USP14: variants seen among roughly 807,000 people sequenced by gnomAD.
The protein encoded by USP14 is ubiquitin carboxyl-terminal hydrolase 14.
USP14 carries 38 observed loss-of-function variants against 76.5 expected under a neutral mutation model. The ratio of observed to expected loss-of-function variants is 0.50; its 90% CI spans 0.38 to 0.65. The LOEUF is 0.65. Among genes scored for constraint, USP14 ranks in the 30% least tolerant of loss-of-function variants. The pLI is 0.00. For synonymous variants in USP14, 192 were observed against 191.7 expected (o/e 1.00, Z -0.01); for missense variants, 467 against 586.5 (o/e 0.80, Z 2.10).
At position 196,582 on chromosome 18, in the gene USP14, G is replaced by A. The variant is rs535847532; in HGVS notation, c.464-55G>A. 62 of 1,528,928 alleles carry A rather than the reference G, an allele frequency of 4.1e-5. No homozygotes were observed. In the Middle Eastern group the frequency reaches 7.1e-4, roughly 17 times the overall value. The allele number at this position is 1,528,928 out of a possible 1,614,324, so 94.7% of individuals were successfully genotyped here. A position where few individuals can be genotyped will look rare whatever the true frequency, so the allele number is the denominator to read the frequency against. ...TATTAATTAAAATTAATTTACAGTC[G>A]CGTGTATTAAATATGTGACTGTTTT... On this transcript the variant is annotated intron_variant, in intron 6 of 15. Coordinates refer to ENST00000261601, the MANE Select transcript of USP14 (RefSeq NM_005151.4).
chr18:204,700 C>A lies in USP14; in HGVS notation c.1164+8C>A. 1 of 1,609,452 alleles carries A rather than the reference C, an allele frequency of 6.2e-7. No homozygotes were observed. Among genetic ancestry groups the A allele is most frequent in the Non-Finnish European group, 8.5e-7 (1 of 1,178,880 alleles). ...AATCAGCAGCCAAATACAGTAGGTTCTTACTGCTGACTTTATACTCTTAAT... is the reference window on the plus strand; with the variant it reads ...AATCAGCAGCCAAATACAGTAGGTTATTACTGCTGACTTTATACTCTTAAT... On this transcript the variant is annotated splice_region_variant and intron_variant, in intron 13 of 15. Coordinates refer to ENST00000261601, the MANE Select transcript of USP14 (RefSeq NM_005151.4).
intron 3 of USP14, among the ~76,000 whole-genome samples, chr18:167,583 G>A (rs4797049): frequency 0.19 from 29,271 of 151,958 alleles, 3,314 homozygotes; most frequent in Middle Eastern, 0.31. Context: ...ATGGCTCGCT[G>A]CAGCTTTAAA....
At position 174,621 on chromosome 18, in the gene USP14, T is replaced by C. The variant is rs1323974263; in HGVS notation, c.196-4312T>C. Among the ~76,000 whole-genome samples, 529 of 151,390 alleles carry C rather than the reference T, an allele frequency of 3.5e-3. 2 individuals are homozygous for C. Among genetic ancestry groups the C allele is most frequent in the African/African-American group, 0.012 (493 of 41,314 alleles). On this transcript the variant is annotated intron_variant, in intron 3 of 15. Transcript: ENST00000261601. ...GGTACTTTTCTTTCTTTTTTTTTTT[T>C]TTTTTAAAGACGAGGTCTTGCTTTG... is the stretch of plus-strand genomic sequence containing the variant.
At chr18:182,146 GA>G (rs1231800319) in intron 5 of USP14, among the ~76,000 whole-genome samples, 12 of 152,196 alleles carry the variant, frequency 7.9e-5, no homozygotes, top group Admixed American at 6.6e-4. Context: ...ACCATCGTAT[GA>G]AAGGAAAAGA....
chr18:181,146 T>G (rs976215827), intron 5 of USP14, among the ~76,000 whole-genome samples: 1 of 152,260 alleles, frequency 6.6e-6, no homozygotes, highest in African/African-American at 2.4e-5. Flanking sequence ...CCATTCATTT[T>G]GTTGATGGAA....
chr18:162,289 T>TGGTA (rs1909143077), intron 1 of USP14, among the ~76,000 whole-genome samples: 1 of 152,228 alleles, frequency 6.6e-6, no homozygotes, highest in Non-Finnish European at 1.5e-5. Flanking sequence ...ATGGTAATTC[T>TGGTA]ATGTTTACTT....
rs1390553160 is a variant in USP14, at chr18:214,170, C to T, written c.*2886C>T. The T allele has an allele frequency of 1.9e-5, 3 of 158,482 alleles. No homozygotes were observed. The highest frequency in any genetic ancestry group is 2.8e-5 in the Non-Finnish European group (2 of 72,210). 9.8% of individuals were successfully genotyped at this position (158,482 alleles called of 1,614,324 possible). ...CAGTACAATTTTAATGATCAAGACTCGTGGCAGGCAGAACAAACCATCATT... is the reference window on the plus strand; with the variant it reads ...CAGTACAATTTTAATGATCAAGACTTGTGGCAGGCAGAACAAACCATCATT... On this transcript the variant is annotated 3_prime_UTR_variant, in exon 16 of 16. Coordinates refer to ENST00000261601, the MANE Select transcript of USP14 (RefSeq NM_005151.4).
In USP14 at chr18:163,145, A is replaced by G. The variant is rs139646626; in HGVS notation, c.17-163A>G. 2,261 of 553,968 alleles carry G rather than the reference A, an allele frequency of 4.1e-3. 11 individuals carry two copies. The highest frequency in any genetic ancestry group is 4.9e-3 in the Non-Finnish European group (1,578 of 324,542). 34.3% of individuals were successfully genotyped at this position (553,968 alleles called of 1,614,324 possible). A position where few individuals can be genotyped will look rare whatever the true frequency, so the allele number is the denominator to read the frequency against. On this transcript the variant is annotated intron_variant, in intron 1 of 15. Transcript: ENST00000261601. The stretch of plus-strand genomic sequence containing the variant: ...TTGATCCAGTGAAATTTTATTCAGC[A>G]CCTACTGCATGCATGCTCCTCTTGA...
chr18:176,326 G>A (rs1909627119), intron 3 of USP14, among the ~76,000 whole-genome samples: 1 of 151,964 alleles, frequency 6.6e-6, no homozygotes, highest in African/African-American at 2.4e-5. Context: ...TGACTTTTTT[G>A]GTTTGTTTTA....
chr18:167,141 C>T (rs1047620073), intron 3 of USP14, among the ~76,000 whole-genome samples: 3 of 151,728 alleles, frequency 2.0e-5, no homozygotes, highest in Admixed American at 2.0e-4. Flanking sequence ...CCTAGCTACT[C>T]GGGAGGCTGA....
chr18:196,828 C>T (rs1910250601), intron 7 of USP14, 61 bp downstream of exon 7: 3 of 1,582,262 alleles, frequency 1.9e-6, no homozygotes, highest in Admixed American at 1.7e-5. Context: ...CTACATTTAC[C>T]GTACTTACTG....
chr18:176,721 C>T (rs1206035651), intron 3 of USP14, among the ~76,000 whole-genome samples: 2 of 152,188 alleles, frequency 1.3e-5, no homozygotes, highest in South Asian at 2.1e-4. Context: ...TCCAACAATG[C>T]ATGAGTTTTT....
chr18:171,396 A>C (rs1451579584), intron 3 of USP14, among the ~76,000 whole-genome samples: 2 of 152,172 alleles, frequency 1.3e-5, no homozygotes, highest in African/African-American at 4.8e-5. Flanking sequence ...TCCAAAAACC[A>C]TGGATCTCTT....
rs956333801 is a variant in USP14 at position 180,085 on chromosome 18, G to C, written c.301-151G>C. On this transcript the variant is annotated intron_variant, in intron 4 of 15. Transcript: ENST00000261601. ...ACTTTTTTTTGGGGGAAATAAAACTGTTTCTTTAGCGTGAAGGCAGAATAT... is the reference window on the plus strand; with the variant it reads ...ACTTTTTTTTGGGGGAAATAAAACTCTTTCTTTAGCGTGAAGGCAGAATAT... 5 of 322,508 alleles carry C rather than the reference G, an allele frequency of 1.6e-5. 1 individual carries two copies. The highest frequency in any genetic ancestry group is 6.9e-5 in the Admixed American group (1 of 14,530). The allele number at this position is 322,508 out of a possible 1,614,324, so 20.0% of individuals were successfully genotyped here. A position where few individuals can be genotyped will look rare whatever the true frequency, so the allele number is the denominator to read the frequency against.
chr18:165,547 T>G (rs1909246382), intron 2 of USP14, among the ~76,000 whole-genome samples: 1 of 152,344 alleles, frequency 6.6e-6, no homozygotes, highest in African/African-American at 2.4e-5. Flanking sequence ...ATTTATTGAG[T>G]ACTTATTTTA....
chr18:196,759 C>T lies in USP14; in HGVS notation c.586C>T (p.Leu196Phe). ...FAEKGEQGQYLQQDANECWIQ... is the reference protein window; with the variant it reads ...FAEKGEQGQYFQQDANECWIQ... The stretch of plus-strand genomic sequence containing the variant: ...CGAGAAAGGTGAACAAGGACAGTAT[C>T]TTCAACAGGTAATTAGGGCAAGGTA... The change falls in exon 7 of 16, where the codon CTT (leucine) becomes TTT (phenylalanine). Residue 196 changes from leucine (L) to phenylalanine (F), a missense_variant. Leu to Phe is a conservative substitution (Grantham distance 22). Transcript: ENST00000261601. 6.2e-7 allele frequency: 1 copy of T among 1,613,128 alleles called. No individual in the cohort carries two copies. Among genetic ancestry groups the T allele is most frequent in the Non-Finnish European group, 8.5e-7 (1 of 1,179,776 alleles).
chr18:171,036 A>ATATAGATATATATATATATATATATC (rs1909445226), intron 3 of USP14, among the ~76,000 whole-genome samples: 1 of 115,396 alleles, frequency 8.7e-6, no homozygotes, highest in East Asian at 4.6e-4. Flanking sequence ...ATATATATAT[A>ATATAGATATATATATATATATATATC]TATATATATA....
chr18:196,976 T>C (rs1910255059), intron 7 of USP14, among the ~76,000 whole-genome samples: 1 of 152,202 alleles, frequency 6.6e-6, no homozygotes, highest in South Asian at 2.1e-4. Context: ...CAGCCCGCAA[T>C]GTCCTTTTTA....
intron 8 of USP14, 133 bp downstream of exon 8, chr18:197,829 A>G (rs561314335): frequency 5.8e-5 from 42 of 719,880 alleles, no homozygotes; most frequent in East Asian, 4.7e-4. Flanking sequence ...TAGATGCTCA[A>G]TCTGTAGTCA....
Sources: allele counts gnomAD v4.1 joint callset (sites outside exome capture counted in the v4.1 genomes callset), GRCh38; gene constraint gnomAD v4.1.1; transcripts MANE v1.5; gene names NCBI Gene and HGNC (gene_info 2026-07-23, HGNC 2026-07-21).